C3: variants seen among roughly 807,000 people sequenced by gnomAD.
C3 encodes complement C3, also known as C3 and PZP-like alpha-2-macroglobulin domain-containing protein 1.
Under a neutral mutation model 207.9 loss-of-function variants are expected in C3, and 97 were observed. The observed-to-expected ratio is 0.47, with a 90% confidence interval of 0.40 to 0.55. The LOEUF is 0.55. C3 is among the 20% of genes least tolerant of loss of function. C3 has a pLI of 0.00. For missense variants in C3, 1,684 were observed against 2,171.7 expected (o/e 0.78, Z 4.46); for synonymous variants, 848 against 857.6 (o/e 0.99, Z 0.20).
chr19:6,684,890 G>T (rs367830509), intron 30 of C3, 56 bp from the exon 31 acceptor site: 1 of 1,607,990 alleles, frequency 6.2e-7, no homozygotes, highest in East Asian at 2.2e-5. Flanking sequence ...TCTGCTGCCT[G>T]TGATGGTCAC....
At chr19:6,695,026 T>G (rs1191106064) in intron 23 of C3, among the ~76,000 whole-genome samples, 1 of 152,128 alleles carries the variant, frequency 6.6e-6, no homozygotes, top group African/African-American at 2.4e-5. Context: ...ATCTCAGCAC[T>G]TTGGGAGGCT....
rs761242068 is a variant in C3, at chr19:6,678,379, G to A, written c.4707C>T (p.Ile1569=). Residue 1569 remains isoleucine, a synonymous_variant, in exon 39 of 41, where the codon ATC becomes ATT. Coordinates refer to ENST00000245907, the MANE Select transcript of C3 (RefSeq NM_000064.4). ...DEYIMAIEQT[I]KSGSDEVQVG... Reference sequence around the variant, plus strand: ...CAGCGTGCTGAGCCTGACCTGACTTGATGGTCTGCTCAATGGCCATGATGT... The same window carrying A: ...CAGCGTGCTGAGCCTGACCTGACTTAATGGTCTGCTCAATGGCCATGATGT... 1.2e-6 allele frequency: 2 copies of A among 1,614,122 alleles called. No homozygotes were observed. Among genetic ancestry groups the A allele is most frequent in the Non-Finnish European group, 1.7e-6 (2 of 1,179,982 alleles).
intron 38 of C3, 107 bp downstream of exon 38, chr19:6,679,003 ACACACCACAGTCACC>A: frequency 1.3e-6 from 1 of 774,334 alleles, no homozygotes; most frequent in Non-Finnish European, 2.3e-6. Flanking sequence ...ATGCTCTCAC[ACACACCACAGTCACC>A]CACACCCACA....
chr19:6,678,083 A>G (rs1242621636), intron 40 of C3, 60 bp from the exon 41 acceptor site: 7 of 1,613,826 alleles, frequency 4.3e-6, no homozygotes, highest in Non-Finnish European at 5.1e-6. Flanking sequence ...CAGGGGCGTG[A>G]CAATGGTGTG....
At chr19:6,707,960 G>C in intron 14 of C3, 31 bp from the exon 15 acceptor site, 1 of 1,611,812 alleles carries the variant, frequency 6.2e-7, no homozygotes, top group African/African-American at 1.3e-5. Flanking sequence ...GCGGGACGCA[G>C]GGAGGCCAGG....
At chr19:6,679,707 C>A (rs138540681) in intron 36 of C3, among the ~76,000 whole-genome samples, 1 of 152,110 alleles carries the variant, frequency 6.6e-6, no homozygotes, top group Non-Finnish European at 1.5e-5. Context: ...CTCACAGAAG[C>A]CTGGGACCCT....
chr19:6,692,821 G>T, intron 26 of C3, 103 bp downstream of exon 26: 1 of 1,384,614 alleles, frequency 7.2e-7, no homozygotes. Context: ...TTTGCAAAGG[G>T]AATTGGGCAG....
At chr19:6,688,844 T>G (rs1172684988) in intron 27 of C3, among the ~76,000 whole-genome samples, 2 of 151,894 alleles carry the variant, frequency 1.3e-5, no homozygotes, top group Non-Finnish European at 2.9e-5. Context: ...CAGCCATGTC[T>G]GCCCCCTGAG....
chr19:6,697,857 G>A lies in C3; in HGVS notation c.2441-63C>T, dbSNP rs532032794. ...GGGGAGTGGACAAGGCCAGGCTCCT[G>A]GGTCTCAGCTCTTAGTCCACTCCGC... is the stretch of plus-strand genomic sequence containing the variant. On this transcript the variant is annotated intron_variant, in intron 19 of 40. Transcript: ENST00000245907. 2.7e-4 allele frequency: 409 copies of A among 1,542,126 alleles called. 2 individuals are homozygous for A. In the East Asian group the frequency reaches 6.8e-3, roughly 26 times the overall value.
chr19:6,700,778 G>T (rs1337257181), intron 19 of C3, among the ~76,000 whole-genome samples: 1 of 136,020 alleles, frequency 7.4e-6, no homozygotes, highest in Non-Finnish European at 1.5e-5. Context: ...ATGTAGATAT[G>T]AAATATATTA....
chr19:6,695,506 G>A (rs917407617), intron 23 of C3, among the ~76,000 whole-genome samples: 1 of 152,018 alleles, frequency 6.6e-6, no homozygotes, highest in Non-Finnish European at 1.5e-5. Flanking sequence ...TTGAGACAAA[G>A]TCTTGCTCTG....
Position 6,713,408 on chromosome 19 carries a change from G to A in C3, c.875C>T (p.Pro292Leu), listed in dbSNP as rs866613328. The A allele has an allele frequency of 1.8e-5, 29 of 1,613,694 alleles. No individual in the cohort carries two copies. Among genetic ancestry groups the A allele is most frequent in the African/African-American group, 1.6e-4 (12 of 74,870 alleles). ...ISLPESLKRI[P>L]IEDGSGEVVL... ...CAAAGCGGCCTCCGTCTATGGTACC[G>A]GAATGCGCTTGAGGGATTCAGGCAG... Residue 292 changes from proline to leucine, a missense_variant and splice_region_variant, in exon 8 of 41, where the codon CCG becomes CTG. Pro to Leu is a moderately conservative substitution (Grantham distance 98). Transcript: ENST00000245907.
rs1968121393 is a variant in C3 at position 6,719,571 on chromosome 19, A to G, written c.75-168T>C. ...GCCATTATCTTCTCTGGGCACTGCC[A>G]CCGTCTCAACCACATGGGCAGGACA... On this transcript the variant is annotated intron_variant, in intron 1 of 40. Transcript: ENST00000245907. The surrounding 1 kb of genome is among the most constrained non-coding windows in gnomAD (Gnocchi z 5.4). Among the ~76,000 whole-genome samples the G allele has an allele frequency of 6.6e-6, 1 of 152,070 alleles. No individual in the cohort carries two copies. The highest frequency in any genetic ancestry group is 1.5e-5 in the Non-Finnish European group (1 of 67,996).
chr19:6,718,690 G>A (rs1232521107), intron 2 of C3, among the ~76,000 whole-genome samples: 1 of 151,242 alleles, frequency 6.6e-6, no homozygotes, highest in Non-Finnish European at 1.5e-5. Flanking sequence ...TGACATGGGA[G>A]GGGCTCAGAA....
chr19:6,684,190 A>T, intron 33 of C3, 198 bp downstream of exon 33: 1 of 675,908 alleles, frequency 1.5e-6, no homozygotes, highest in South Asian at 1.6e-5. Flanking sequence ...GTCTCAGCTT[A>T]CGTGGTCATT....
chr19:6,679,363 G>A, intron 37 of C3, 44 bp downstream of exon 37: 1 of 1,520,890 alleles, frequency 6.6e-7, no homozygotes, highest in Non-Finnish European at 9.1e-7. Context: ...CTGGGTAAGT[G>A]TGGCTTGCTC....
intron 2 of C3, 138 bp from the exon 3 acceptor site, chr19:6,718,550 G>C: frequency 1.0e-6 from 1 of 968,608 alleles, no homozygotes. Context: ...GGGGAGGGAG[G>C]GGCATGTGAA....
At chr19:6,715,342 G>A (rs1348598473) in intron 4 of C3, among the ~76,000 whole-genome samples, 3 of 152,110 alleles carry the variant, frequency 2.0e-5, no homozygotes, top group Non-Finnish European at 2.9e-5. Context: ...TGGATGTGGT[G>A]GCGCACGTCT....
Position 6,697,708 on chromosome 19 carries a change from C to T in C3, c.2527G>A (p.Glu843Lys), listed in dbSNP as rs771305132. 1 of 1,614,040 alleles carries T rather than the reference C, an allele frequency of 6.2e-7. No homozygotes were observed. ...LRLPYSVVRN[E>K]QVEIRAVLYN... ...AGAACGGCTCGGATTTCCACCTGCTCGTTTCGAACAACAGAGTAGGGTAGC... is the reference window on the plus strand; with the variant it reads ...AGAACGGCTCGGATTTCCACCTGCTTGTTTCGAACAACAGAGTAGGGTAGC... The change falls in exon 20 of 41, where the codon GAG (glutamate) becomes AAG (lysine). Residue 843 changes from glutamate to lysine, a missense_variant. Physicochemically the swap from Glu to Lys is moderately conservative, Grantham distance 56. Coordinates refer to ENST00000245907, the MANE Select transcript of C3 (RefSeq NM_000064.4).
Sources: allele counts gnomAD v4.1 joint callset (sites outside exome capture counted in the v4.1 genomes callset), GRCh38; gene constraint gnomAD v4.1.1; non-coding constraint Gnocchi (gnomAD v3.1); transcripts MANE v1.5; gene names NCBI Gene and HGNC (gene_info 2026-07-23, HGNC 2026-07-21).